Variants in FOXP1 observed in about 807,000 individuals in gnomAD.
FOXP1 encodes the protein forkhead box P1, also known as forkhead box protein P1.
FOXP1 carries 15 observed loss-of-function variants against 98.2 expected under a neutral mutation model. The observed-to-expected ratio is 0.15, with a 90% CI of 0.10 to 0.24. The LOEUF (loss-of-function observed/expected upper bound fraction) is 0.24. Ranked by LOEUF, FOXP1 falls within the 10% of genes least tolerant of loss-of-function variation. The pLI is 1.00. For synonymous variants in FOXP1, 371 were observed against 314.5 expected (o/e 1.18, Z -1.90); for missense variants, 633 against 848.5 (o/e 0.75, Z 3.15).
chr3:71,205,261 C>T (rs1357393167), intron 5 of FOXP1, among the ~76,000 whole-genome samples: 1 of 152,082 alleles, frequency 6.6e-6, no homozygotes, highest in Non-Finnish European at 1.5e-5. Context: ...CATTAATTTT[C>T]TTGTGGTATA....
At chr3:71,428,862 C>G (rs771682579) in intron 3 of FOXP1, among the ~76,000 whole-genome samples, 6 of 152,216 alleles carry the variant, frequency 3.9e-5, no homozygotes, top group Non-Finnish European at 8.8e-5. Flanking sequence ...TCAGTGAGCT[C>G]TCCCCACAAC....
At chr3:71,186,486 G>C (rs1013250834) in intron 6 of FOXP1, among the ~76,000 whole-genome samples, 4 of 152,242 alleles carry the variant, frequency 2.6e-5, no homozygotes, top group African/African-American at 4.8e-5. Context: ...GCCGAGGCAG[G>C]CGGATCACGA....
chr3:70,973,213 T>G (rs1269225577), intron 17 of FOXP1, among the ~76,000 whole-genome samples: 1 of 151,802 alleles, frequency 6.6e-6, no homozygotes, highest in East Asian at 2.0e-4. Flanking sequence ...AGTCAAAGGA[T>G]CGGGGGGTGG....
intron 7 of FOXP1, among the ~76,000 whole-genome samples, chr3:71,093,829 A>G (rs1575644991): frequency 6.6e-6 from 1 of 152,130 alleles, no homozygotes; most frequent in Non-Finnish European, 1.5e-5. Context: ...AATAATATCA[A>G]TAAAGATCAA....
chr3:70,967,627 T>TTTCTTTC (rs2035093084), intron 19 of FOXP1, among the ~76,000 whole-genome samples: 2 of 150,802 alleles, frequency 1.3e-5, no homozygotes, highest in African/African-American at 4.9e-5. Context: ...ATAAAGCTTT[T>TTTCTTTC]TTTCTTTCTT....
chr3:71,011,146 G>A (rs1045887502), intron 12 of FOXP1, among the ~76,000 whole-genome samples: 1 of 152,110 alleles, frequency 6.6e-6, no homozygotes, highest in Non-Finnish European at 1.5e-5. Context: ...GCGTAACTCA[G>A]GAAAGCATCT....
chr3:71,053,860 G>T, intron 7 of FOXP1, 87 bp from the exon 8 acceptor site: 2 of 1,482,552 alleles, frequency 1.3e-6, no homozygotes, highest in Non-Finnish European at 1.9e-6. Flanking sequence ...CCATCAGCCT[G>T]CTTAAAGAGT....
intron 3 of FOXP1, among the ~76,000 whole-genome samples, chr3:71,454,042 T>C (rs1379576346): frequency 6.6e-6 from 1 of 152,048 alleles, no homozygotes; most frequent in East Asian, 1.9e-4. Context: ...AGCAAATATT[T>C]ATACTTTAGC....
In FOXP1 at chr3:71,262,273, A is replaced by C; in HGVS notation, c.-12+37547T>G. On this transcript the variant is annotated intron_variant, in intron 5 of 20. Transcript: ENST00000649528. Reference sequence around the variant, plus strand: ...GGACAAGACTCTGTCACAAAAAAAAAAAAAAAAAAAAAAAAAAAAAAAAAA... The same window carrying C: ...GGACAAGACTCTGTCACAAAAAAAACAAAAAAAAAAAAAAAAAAAAAAAAA... Among the ~76,000 whole-genome samples, 3 of 112,096 alleles carry C rather than the reference A, an allele frequency of 2.7e-5. No individual in the cohort carries two copies. In the East Asian group the frequency reaches 6.7e-4, roughly 25 times the overall value. 73.5% of individuals were successfully genotyped at this position (112,096 alleles called of 152,430 possible).
intron 6 of FOXP1, among the ~76,000 whole-genome samples, chr3:71,182,500 A>ATGTGTG (rs201090847): frequency 0.016 from 2,208 of 138,420 alleles, 43 homozygotes; most frequent in African/African-American, 0.034. Flanking sequence ...TAAACTATAT[A>ATGTGTG]TATGTGTGTG....
chr3:71,099,328 T>C (rs954999083), intron 7 of FOXP1, among the ~76,000 whole-genome samples: 1 of 152,090 alleles, frequency 6.6e-6, no homozygotes, highest in East Asian at 1.9e-4. Flanking sequence ...CTGGCCAACA[T>C]GGTGAAACCT....
intron 3 of FOXP1, among the ~76,000 whole-genome samples, chr3:71,370,633 G>A (rs1024659622): frequency 2.0e-5 from 3 of 152,104 alleles, no homozygotes; most frequent in Admixed American, 2.0e-4. Flanking sequence ...ATCTTCCCAT[G>A]AGACTAGTGC....
intron 5 of FOXP1, among the ~76,000 whole-genome samples, chr3:71,216,996 C>T (rs2064990104): frequency 2.0e-5 from 3 of 152,132 alleles, no homozygotes; most frequent in South Asian, 4.1e-4. Context: ...ACCTGGTCCA[C>T]GCATCAAGAG....
At chr3:71,043,375 G>GA (rs2048605182) in intron 10 of FOXP1, among the ~76,000 whole-genome samples, 1 of 152,154 alleles carries the variant, frequency 6.6e-6, no homozygotes, top group Non-Finnish European at 1.5e-5. Flanking sequence ...AAACAAAGGG[G>GA]AAAGGTCACT....
intron 7 of FOXP1, among the ~76,000 whole-genome samples, chr3:71,085,397 G>A (rs928627087): frequency 2.0e-5 from 3 of 152,064 alleles, no homozygotes; most frequent in Non-Finnish European, 4.4e-5. Flanking sequence ...CAATTCTCTT[G>A]CCTTGGCCTC....
At chr3:71,583,871 C>A, upstream of FOXP1, 1 of 985,648 alleles carries the variant, frequency 1.0e-6, no homozygotes, top group Non-Finnish European at 1.2e-6. Context: ...CGGCCCGACC[C>A]TCTACCTCCC....
At chr3:71,270,104 A>G (rs1018712871) in intron 5 of FOXP1, among the ~76,000 whole-genome samples, 7 of 152,162 alleles carry the variant, frequency 4.6e-5, no homozygotes, top group African/African-American at 1.7e-4. Context: ...CAGCGAAGAA[A>G]CTGCTCGTGG....
At chr3:71,568,502 G>T (rs568236908) in intron 2 of FOXP1, among the ~76,000 whole-genome samples, 1 of 152,190 alleles carries the variant, frequency 6.6e-6, no homozygotes, top group Non-Finnish European at 1.5e-5. Flanking sequence ...CCCAAGCTCA[G>T]AAGAGCCCCA....
chr3:71,466,384 T>C (rs189089333), intron 3 of FOXP1, among the ~76,000 whole-genome samples: 2 of 152,356 alleles, frequency 1.3e-5, no homozygotes, highest in Admixed American at 6.5e-5. Flanking sequence ...AATGTATATC[T>C]TTAATGAAAT....
Sources: gnomAD v4.1 joint callset for allele counts (sites outside exome capture counted in the v4.1 genomes callset) on GRCh38, gnomAD v4.1.1 for gene constraint, MANE v1.5 for transcripts, NCBI Gene and HGNC (gene_info 2026-07-23, HGNC 2026-07-21) for gene names.